CREB1: variants seen among roughly 807,000 people sequenced by gnomAD.
CREB1 encodes cAMP responsive element binding protein 1, also known as cyclic AMP-responsive element-binding protein 1.
In CREB1, 2 loss-of-function variants were observed where a neutral mutation model predicts 42.0. That is an observed-to-expected ratio of 0.05 (90% CI 0.02 to 0.15). The LOEUF is 0.15. Ranked by LOEUF, CREB1 falls within the 10% of genes least tolerant of loss-of-function variation. The pLI is 1.00. For synonymous variants in CREB1, 123 were observed against 139.9 expected (o/e 0.88, Z 0.85); for missense variants, 199 against 388.9 (o/e 0.51, Z 4.11).
intron 1 of CREB1, among the ~76,000 whole-genome samples, chr2:207,549,429 T>TA (rs370054280): frequency 0.013 from 1,966 of 147,456 alleles, 23 homozygotes; most frequent in African/African-American, 0.031. Context: ...CTCCCCCGCT[T>TA]AAAAAAAAAA....
Position 207,597,153 on chromosome 2 carries a change from C to G in CREB1, c.*95C>G, listed in dbSNP as rs924331502. 1 of 1,376,052 alleles carries G rather than the reference C, an allele frequency of 7.3e-7. No individual in the cohort carries two copies. The highest frequency in any genetic ancestry group is 9.7e-7 in the Non-Finnish European group (1 of 1,034,052). 85.2% of individuals were successfully genotyped at this position (1,376,052 alleles called of 1,614,324 possible). On this transcript the variant is annotated 3_prime_UTR_variant, in exon 8 of 8. Transcript: ENST00000353267. ...TAAACATTTTATTTTCTAAACATTTCTTTTTTTCTATGCGCAAAACTGCCT... is the reference window on the plus strand; with the variant it reads ...TAAACATTTTATTTTCTAAACATTTGTTTTTTTCTATGCGCAAAACTGCCT...
chr2:207,584,403 G>T (rs1490043426), intron 7 of CREB1, among the ~76,000 whole-genome samples: 1 of 151,848 alleles, frequency 6.6e-6, no homozygotes, highest in African/African-American at 2.4e-5. Flanking sequence ...CTTCACTAGT[G>T]ACTTTTTTTT....
chr2:207,558,514 A>T (rs1348836240), intron 2 of CREB1, among the ~76,000 whole-genome samples: 1 of 151,884 alleles, frequency 6.6e-6, no homozygotes, highest in Non-Finnish European at 1.5e-5. Context: ...TCCCATCTCT[A>T]CTACTACTAA....
rs78913180 is a variant in CREB1 at position 207,604,753 on chromosome 2, C to T, written c.*7695C>T. 6.6e-6 allele frequency among the ~76,000 whole-genome samples: 1 copy of T among 152,290 alleles called. No individual in the cohort carries two copies. Among genetic ancestry groups the T allele is most frequent in the East Asian group, 1.9e-4 (1 of 5,188 alleles). On this transcript the variant is annotated 3_prime_UTR_variant, in exon 8 of 8. Coordinates refer to ENST00000353267, the MANE Select transcript of CREB1 (RefSeq NM_004379.5). ...TACTCTCCATTTTCTCCTCCCACCG[C>T]CCTTGTCCCTGGCAACCACCAATCT...
At chr2:207,596,677 C>T (rs1451692761) in intron 7 of CREB1, among the ~76,000 whole-genome samples, 1 of 152,184 alleles carries the variant, frequency 6.6e-6, no homozygotes, top group East Asian at 1.9e-4. Context: ...AGGTGATCTC[C>T]CTGCCTTGGC....
At chr2:207,569,372 ACT>A (rs1204161068) in intron 4 of CREB1, among the ~76,000 whole-genome samples, 1 of 151,700 alleles carries the variant, frequency 6.6e-6, no homozygotes, top group Non-Finnish European at 1.5e-5. Context: ...CCAGTTTTAT[ACT>A]CCCAGCAGCA....
intron 7 of CREB1, among the ~76,000 whole-genome samples, chr2:207,580,287 G>A (rs1236321098): frequency 6.6e-6 from 1 of 152,166 alleles, no homozygotes; most frequent in Non-Finnish European, 1.5e-5. Flanking sequence ...GCCATCTTCT[G>A]CTGTGCCTCT....
rs1375076958 is a variant in CREB1 at position 207,597,123 on chromosome 2, C to T, written c.*65C>T. Reference sequence around the variant, plus strand: ...ACTGGCTTGGCCACAACCTGAAAGACAAAATAAACATTTTATTTTCTAAAC... The same window carrying T: ...ACTGGCTTGGCCACAACCTGAAAGATAAAATAAACATTTTATTTTCTAAAC... On this transcript the variant is annotated 3_prime_UTR_variant, in exon 8 of 8. Coordinates refer to ENST00000353267, the MANE Select transcript of CREB1 (RefSeq NM_004379.5). 2.1e-6 allele frequency: 3 copies of T among 1,462,772 alleles called. No homozygotes were observed. The African/African-American group carries it at 4.4e-5, about 22-fold the overall frequency. 90.6% of individuals were successfully genotyped at this position (1,462,772 alleles called of 1,614,324 possible). A position where few individuals can be genotyped will look rare whatever the true frequency, so the allele number is the denominator to read the frequency against.
Position 207,570,447 on chromosome 2 carries a change from T to C in CREB1, c.505+126T>C. 3.4e-6 allele frequency: 3 copies of C among 882,926 alleles called. No individual in the cohort carries two copies. The South Asian group carries it at 6.4e-5, about 19-fold the overall frequency. The allele number at this position is 882,926 out of a possible 1,614,324, so 54.7% of individuals were successfully genotyped here. A position where few individuals can be genotyped will look rare whatever the true frequency, so the allele number is the denominator to read the frequency against. On this transcript the variant is annotated intron_variant, in intron 5 of 7. Transcript: ENST00000353267. Reference sequence around the variant, plus strand: ...GTCTTCTCAGTTTTGCTGCCATTATTATATTTCCTTTACTCTTCACTATGC... The same window carrying C: ...GTCTTCTCAGTTTTGCTGCCATTATCATATTTCCTTTACTCTTCACTATGC...
chr2:207,545,837 G>A (rs1238480410), intron 1 of CREB1, among the ~76,000 whole-genome samples: 3 of 151,468 alleles, frequency 2.0e-5, no homozygotes, highest in East Asian at 3.9e-4. Flanking sequence ...AGGTTCAAGC[G>A]ATTCTCCTGC....
At chr2:207,567,975 G>A (rs1012679203) in intron 4 of CREB1, 3 of 152,598 alleles carry the variant, frequency 2.0e-5, no homozygotes, top group Non-Finnish European at 1.5e-5. Flanking sequence ...TCAGGGAGAT[G>A]CTTTACTAAC....
At chr2:207,584,168 C>T (rs1469895314) in intron 7 of CREB1, among the ~76,000 whole-genome samples, 1 of 152,178 alleles carries the variant, frequency 6.6e-6, no homozygotes, top group East Asian at 1.9e-4. Context: ...GAGTAAATAT[C>T]TAGGAGTAGG....
intron 6 of CREB1, among the ~76,000 whole-genome samples, chr2:207,575,899 C>T (rs56218964): frequency 0.069 from 8,279 of 119,616 alleles, 581 homozygotes; most frequent in East Asian, 0.27. Flanking sequence ...TCTCTGGAAA[C>T]AATCTTCAGA....
chr2:207,560,248 C>T lies in CREB1; in HGVS notation c.137C>T (p.Ala46Val), dbSNP rs143117860. Residue 46 changes from alanine to valine, a missense_variant, in exon 3 of 8, where the codon GCA (alanine) becomes GTA (valine). Coordinates refer to ENST00000353267, the MANE Select transcript of CREB1 (RefSeq NM_004379.5). ...LAQVSMPAAH[A>V]TSSAPTVTLV... Reference sequence around the variant, plus strand: ...TAGGTATCTATGCCAGCAGCTCATGCAACATCATCTGCTCCCACCGTAACT... The same window carrying T: ...TAGGTATCTATGCCAGCAGCTCATGTAACATCATCTGCTCCCACCGTAACT... 153 of 1,611,366 alleles carry T rather than the reference C, an allele frequency of 9.5e-5. 1 individual carries two copies. Among genetic ancestry groups the T allele is most frequent in the Admixed American group, 3.3e-5 (2 of 59,796 alleles).
chr2:207,595,654 T>A (rs550081123), intron 7 of CREB1, among the ~76,000 whole-genome samples: 1 of 152,096 alleles, frequency 6.6e-6, no homozygotes, highest in Non-Finnish European at 1.5e-5. Flanking sequence ...ACCTAAGACC[T>A]CCTGGGCTTA....
At chr2:207,542,803 A>G (rs2081148023) in intron 1 of CREB1, among the ~76,000 whole-genome samples, 2 of 152,232 alleles carry the variant, frequency 1.3e-5, no homozygotes, top group Admixed American at 1.3e-4. Flanking sequence ...CCATTATTTA[A>G]TGAAAAATAA....
At chr2:207,576,241 C>CTTTTTTTTTTTTTTTTTTGTTT (rs35735523) in intron 6 of CREB1, among the ~76,000 whole-genome samples, 15 of 101,060 alleles carry the variant, frequency 1.5e-4, no homozygotes, top group Admixed American at 2.3e-4. Context: ...CTTTTTTTGG[C>CTTTTTTTTTTTTTTTTTTGTTT]TTTTTTTTTT....
chr2:207,550,146 T>C (rs1286723744), intron 1 of CREB1: 3 of 152,138 alleles, frequency 2.0e-5, no homozygotes, highest in Non-Finnish European at 4.4e-5. Context: ...GACAACAAAA[T>C]AGTCATTTAG....
At chr2:207,560,918 C>A (rs1574836967) in intron 3 of CREB1, among the ~76,000 whole-genome samples, 1 of 152,086 alleles carries the variant, frequency 6.6e-6, no homozygotes, top group East Asian at 1.9e-4. Flanking sequence ...TTATCTAATT[C>A]TTTGGAGAGA....
Sources: allele counts gnomAD v4.1 joint callset (sites outside exome capture counted in the v4.1 genomes callset), GRCh38; gene constraint gnomAD v4.1.1; transcripts MANE v1.5; gene names NCBI Gene and HGNC (gene_info 2026-07-23, HGNC 2026-07-21).